Variants in NELL1 observed in about 807,000 individuals in gnomAD.
NELL1 encodes the protein protein kinase C-binding protein NELL1.
A neutral mutation model predicts 107.4 loss-of-function variants in NELL1; 76 were observed. That is an observed-to-expected ratio of 0.71 (90% CI 0.59 to 0.86). NELL1 has a LOEUF of 0.86. NELL1 is among the 40% of genes least tolerant of loss of function. The pLI is 0.00. For missense variants in NELL1, 1,024 were observed against 1,005.5 expected (o/e 1.02, Z -0.25); for synonymous variants, 353 against 341.2 (o/e 1.03, Z -0.38).
At chr11:21,114,066 T>A (rs552012498) in intron 13 of NELL1, among the ~76,000 whole-genome samples, 167 of 152,112 alleles carry the variant, frequency 1.1e-3, no homozygotes, top group Non-Finnish European at 2.0e-3. Context: ...TTTTTGTAGA[T>A]AAGAAAATGT....
At chr11:21,450,088 AG>A (rs1343625617) in intron 15 of NELL1, among the ~76,000 whole-genome samples, 1 of 152,208 alleles carries the variant, frequency 6.6e-6, no homozygotes, top group East Asian at 1.9e-4. Context: ...GAAAATGGCT[AG>A]TAATGATGCA....
chr11:21,059,693 C>T (rs1298614038), intron 12 of NELL1, among the ~76,000 whole-genome samples: 1 of 152,054 alleles, frequency 6.6e-6, no homozygotes, highest in South Asian at 2.1e-4. Context: ...CTCTTCTATG[C>T]CCTATAGGAC....
At chr11:20,877,524 A>G (rs1229638176) in intron 4 of NELL1, among the ~76,000 whole-genome samples, 1 of 152,230 alleles carries the variant, frequency 6.6e-6, no homozygotes, top group Non-Finnish European at 1.5e-5. Context: ...GGTTTTATCT[A>G]TTAATGAGAA....
chr11:21,519,824 T>C (rs1456897577), intron 15 of NELL1, among the ~76,000 whole-genome samples: 1 of 152,172 alleles, frequency 6.6e-6, no homozygotes, highest in East Asian at 1.9e-4. Context: ...ATCAGGCAGA[T>C]TCTGCCAGTG....
intron 16 of NELL1, among the ~76,000 whole-genome samples, chr11:21,548,824 T>A (rs1440633295): frequency 6.6e-6 from 1 of 151,384 alleles, no homozygotes; most frequent in Non-Finnish European, 1.5e-5. Flanking sequence ...TCTAGTTGTG[T>A]GGCTGGCCCA....
intron 12 of NELL1, among the ~76,000 whole-genome samples, chr11:21,060,714 T>G (rs1853718660): frequency 6.6e-6 from 1 of 152,214 alleles, no homozygotes. Context: ...ATTTCGTTTT[T>G]GTTTTGAGAC....
chr11:20,963,089 C>T (rs1851321285), intron 12 of NELL1, among the ~76,000 whole-genome samples: 1 of 152,088 alleles, frequency 6.6e-6, no homozygotes, highest in African/African-American at 2.4e-5. Flanking sequence ...ATCTTTGGGC[C>T]TATGTTTCCG....
intron 16 of NELL1, among the ~76,000 whole-genome samples, chr11:21,545,253 G>A (rs1169796652): frequency 9.5e-6 from 1 of 105,292 alleles, no homozygotes; most frequent in East Asian, 2.3e-4. Context: ...TTTCCACTCT[G>A]ATAAACTAAA....
At chr11:21,338,200 T>C (rs1850480730) in intron 14 of NELL1, among the ~76,000 whole-genome samples, 1 of 152,182 alleles carries the variant, frequency 6.6e-6, no homozygotes, top group Non-Finnish European at 1.5e-5. Context: ...CGACAGGTGT[T>C]GTGCTGTGGG....
intron 12 of NELL1, among the ~76,000 whole-genome samples, chr11:21,031,748 G>C (rs1322404440): frequency 1.3e-5 from 2 of 151,968 alleles, no homozygotes; most frequent in Admixed American, 1.3e-4. Flanking sequence ...CAGATGGTAA[G>C]ATACAAAAAA....
intron 15 of NELL1, among the ~76,000 whole-genome samples, chr11:21,411,885 A>AT (rs1852386334): frequency 6.6e-6 from 1 of 152,036 alleles, no homozygotes; most frequent in Admixed American, 6.6e-5. Context: ...TGGCTGTGAG[A>AT]TTTTTACTGA....
chr11:21,524,611 AG>A (rs1855805973), intron 15 of NELL1, among the ~76,000 whole-genome samples: 2 of 152,218 alleles, frequency 1.3e-5, no homozygotes, highest in Non-Finnish European at 2.9e-5. Context: ...CACTCGAGAG[AG>A]TGCAAAGGTT....
chr11:21,349,077 T>C (rs1850745862), intron 14 of NELL1, among the ~76,000 whole-genome samples: 1 of 152,146 alleles, frequency 6.6e-6, no homozygotes, highest in Non-Finnish European at 1.5e-5. Flanking sequence ...AAAAGGTCAT[T>C]TGGCAACCAT....
intron 3 of NELL1, among the ~76,000 whole-genome samples, chr11:20,814,089 G>A (rs570145622): frequency 4.9e-4 from 74 of 151,882 alleles, no homozygotes; most frequent in African/African-American, 1.8e-3. Flanking sequence ...TCCACCTCCC[G>A]GGTTCATGCC....
chr11:20,909,955 C>G (rs1478629456), intron 5 of NELL1, among the ~76,000 whole-genome samples: 1 of 152,154 alleles, frequency 6.6e-6, no homozygotes, highest in Non-Finnish European at 1.5e-5. Context: ...TATTGCTGCA[C>G]AACAAACCCC....
chr11:20,975,895 T>TATATGTAC (rs1564995561), intron 12 of NELL1, among the ~76,000 whole-genome samples: 1 of 119,734 alleles, frequency 8.4e-6, no homozygotes, highest in African/African-American at 3.3e-5. Context: ...GTATTATATA[T>TATATGTAC]ACATATATGT....
intron 3 of NELL1, among the ~76,000 whole-genome samples, chr11:20,833,585 C>G (rs1003891896): frequency 6.6e-6 from 1 of 152,104 alleles, no homozygotes; most frequent in Non-Finnish European, 1.5e-5. Context: ...GTTCCTAAAG[C>G]TTATCCAGTG....
chr11:21,277,444 G>A (rs1157678740), intron 14 of NELL1, among the ~76,000 whole-genome samples: 5 of 151,084 alleles, frequency 3.3e-5, no homozygotes, highest in African/African-American at 4.9e-5. Flanking sequence ...CTTTTACCCT[G>A]TTGGTGGGAC....
intron 14 of NELL1, among the ~76,000 whole-genome samples, chr11:21,314,434 A>T (rs1169449444): frequency 6.6e-6 from 1 of 152,210 alleles, no homozygotes; most frequent in East Asian, 1.9e-4. Context: ...ATGATGCCAT[A>T]GAACTGTGGT....
Sources: allele counts gnomAD v4.1 joint callset (sites outside exome capture counted in the v4.1 genomes callset), GRCh38; gene constraint gnomAD v4.1.1; transcripts MANE v1.5; gene names NCBI Gene and HGNC (gene_info 2026-07-23, HGNC 2026-07-21).